Variants in CRABP2 observed in about 807,000 individuals in gnomAD.
The protein encoded by CRABP2 is cellular retinoic acid binding protein 2, also known as cellular retinoic acid-binding protein 2.
CRABP2 carries 20 observed loss-of-function variants against 17.9 expected under a neutral mutation model. The ratio of observed to expected loss-of-function variants is 1.12; its 90% CI spans 0.79 to 1.63. The LOEUF is 1.63. CRABP2 is among the 40% of genes most tolerant of loss of function. The pLI is 0.00. For missense variants in CRABP2, 151 were observed against 168.6 expected (o/e 0.90, Z 0.58); for synonymous variants, 76 against 66.4 (o/e 1.14, Z -0.70).
At chr1:156,701,161 G>T in intron 1 of CRABP2, 109 bp from the exon 2 acceptor site, 1 of 1,263,434 alleles carries the variant, frequency 7.9e-7, no homozygotes, top group Non-Finnish European at 1.1e-6. Flanking sequence ...CTTGGGGTGG[G>T]TGTGTTGGGG....
rs779988944 is a variant in CRABP2, at chr1:156,700,032, T to A, written c.411A>T (p.Arg137=). The change falls in exon 4 of 4, where the codon CGA becomes CGT. Residue 137 remains arginine (R), a synonymous_variant. Transcript: ENST00000368222. ...CGGTTCTACCTGTGGCCACTCACTCTCGGACGTAGACCCTGGTGCACACAA... is the reference window on the plus strand; with the variant it reads ...CGGTTCTACCTGTGGCCACTCACTCACGGACGTAGACCCTGGTGCACACAA... ...DDVVCTRVYV[R]E is the part of the protein sequence containing the mutation. The A allele has an allele frequency of 6.2e-7, 1 of 1,613,382 alleles. No homozygotes were observed. Among genetic ancestry groups the A allele is most frequent in the South Asian group, 1.1e-5 (1 of 90,898 alleles).
rs921978708 is a variant in CRABP2 at position 156,699,713 on chromosome 1, G to C, written c.*313C>G. The stretch of plus-strand genomic sequence containing the variant: ...TAGAGGGCCAGTCTTTCCTGCTCAG[G>C]CCCTCAAGTCCCCTTTAGAGAGACC... On this transcript the variant is annotated 3_prime_UTR_variant, in exon 4 of 4. Coordinates refer to ENST00000368222, the MANE Select transcript of CRABP2 (RefSeq NM_001878.4). 2.8e-6 allele frequency: 1 copy of C among 355,096 alleles called. No homozygotes were observed. The highest frequency in any genetic ancestry group is 5.2e-6 in the Non-Finnish European group (1 of 193,956). The allele number at this position is 355,096 out of a possible 1,614,324, so 22.0% of individuals were successfully genotyped here.
At chr1:156,703,504 G>A (rs1274842637) in intron 1 of CRABP2, among the ~76,000 whole-genome samples, 2 of 152,186 alleles carry the variant, frequency 1.3e-5, no homozygotes, top group African/African-American at 4.8e-5. Context: ...TGCACTAGGC[G>A]GGGGTGAAAG....
At chr1:156,703,910 G>C (rs190344566) in intron 1 of CRABP2, among the ~76,000 whole-genome samples, 12 of 152,348 alleles carry the variant, frequency 7.9e-5, no homozygotes, top group Non-Finnish European at 1.6e-4. Context: ...GCTCAGGACT[G>C]TGTTTGTCTA....
chr1:156,703,083 CTCTGCATTAGGCACCGTACTCA>C (rs1648088637), intron 1 of CRABP2, among the ~76,000 whole-genome samples: 1 of 150,880 alleles, frequency 6.6e-6, no homozygotes, highest in Admixed American at 6.6e-5. Context: ...GCTCAAAGCT[CTCTGCATTAGGCACCGTACTCA>C]TCTGCCCTTC....
chr1:156,701,188 G>GC, intron 1 of CRABP2, 136 bp from the exon 2 acceptor site: 1 of 921,656 alleles, frequency 1.1e-6, no homozygotes, highest in Non-Finnish European at 1.6e-6. Flanking sequence ...TCTGCCTGGT[G>GC]CCTGGGTGTC....
Position 156,705,274 on chromosome 1 carries a change from G to T in CRABP2, c.70+103C>A. The T allele has an allele frequency of 7.8e-7, 1 of 1,283,160 alleles. No homozygotes were observed. The highest frequency in any genetic ancestry group is 1.1e-6 in the Non-Finnish European group (1 of 884,324). The allele number at this position is 1,283,160 out of a possible 1,614,324, so 79.5% of individuals were successfully genotyped here. On this transcript the variant is annotated intron_variant, in intron 1 of 3. Transcript: ENST00000368222. This position sits in a 1 kb window ranked among gnomAD's most constrained non-coding sequence, Gnocchi z 5.2. ...CGTTTTTCGGGGATGCAGGCACCCA[G>T]TGTCTCACGCCCTGATTGTGGTCCC...
Position 156,705,075 on chromosome 1 carries a change from C to G in CRABP2, c.70+302G>C, listed in dbSNP as rs949833377. ...CAGAGAGCCAGGTGCCTCGGCCCGC[C>G]GAGTCCGGCCGCTGAGGCCAGCCTC... is the stretch of plus-strand genomic sequence containing the variant. On this transcript the variant is annotated intron_variant, in intron 1 of 3. Transcript: ENST00000368222. This position sits in a 1 kb window ranked among gnomAD's most constrained non-coding sequence, Gnocchi z 5.2. 6.6e-6 allele frequency among the ~76,000 whole-genome samples: 1 copy of G among 152,228 alleles called. No individual in the cohort carries two copies. Among genetic ancestry groups the G allele is most frequent in the Non-Finnish European group, 1.5e-5 (1 of 68,042 alleles).
At chr1:156,702,179 G>A (rs927906529) in intron 1 of CRABP2, among the ~76,000 whole-genome samples, 6 of 151,780 alleles carry the variant, frequency 4.0e-5, no homozygotes, top group African/African-American at 4.8e-5. Flanking sequence ...AAGTCTGGGC[G>A]CAGTGGCTCA....
intron 1 of CRABP2, among the ~76,000 whole-genome samples, chr1:156,703,215 C>CTT (rs1648092210): frequency 6.6e-6 from 1 of 152,078 alleles, no homozygotes; most frequent in East Asian, 1.9e-4. Flanking sequence ...TGTGATGTAT[C>CTT]CCCTTCTTCA....
upstream of CRABP2, chr1:156,705,770 C>T (rs116587898): frequency 2.0e-5 from 6 of 303,456 alleles, 1 homozygote; most frequent in Non-Finnish European, 3.7e-5. The surrounding 1 kb of genome is among the most constrained non-coding windows in gnomAD (Gnocchi z 5.2). Flanking sequence ...CCTTCTCCTG[C>T]GCTAGTAAGT....
Position 156,700,659 on chromosome 1 carries a change from C to T in CRABP2, c.250-1G>A. 6.2e-7 allele frequency: 1 copy of T among 1,613,842 alleles called. No homozygotes were observed. The highest frequency in any genetic ancestry group is 8.5e-7 in the Non-Finnish European group (1 of 1,179,722). On this transcript the variant is annotated splice_acceptor_variant, in intron 2 of 3. Transcript: ENST00000368222. LOFTEE classifies it high-confidence loss of function. The stretch of plus-strand genomic sequence containing the variant: ...TCTCACTCTCCCATTTCACCAGGCT[C>T]TGCAAGAGACAGGTGGCCAAGTGAG...
intron 1 of CRABP2, among the ~76,000 whole-genome samples, chr1:156,703,431 A>G (rs1165383144): frequency 6.6e-6 from 1 of 152,084 alleles, no homozygotes; most frequent in Non-Finnish European, 1.5e-5. Flanking sequence ...CTCCAGGTCT[A>G]AGCTCCACAC....
At chr1:156,700,449 GT>G in intron 3 of CRABP2, 92 bp downstream of exon 3, 1 of 996,508 alleles carries the variant, frequency 1.0e-6, no homozygotes, top group Non-Finnish European at 1.6e-6. Flanking sequence ...TCCAGCCATG[GT>G]TGTTCTTGAG....
chr1:156,705,635 GC>G (rs1333732929), upstream of CRABP2: 4 of 557,136 alleles, frequency 7.2e-6, no homozygotes, highest in African/African-American at 1.9e-5. This position sits in a 1 kb window ranked among gnomAD's most constrained non-coding sequence, Gnocchi z 5.2. Flanking sequence ...AACCGCCCCT[GC>G]CCAGGATTGA....
intron 1 of CRABP2, among the ~76,000 whole-genome samples, chr1:156,704,234 G>T (rs544967610): frequency 1.3e-5 from 2 of 152,194 alleles, no homozygotes; most frequent in Non-Finnish European, 2.9e-5. Flanking sequence ...TTAGATCGCA[G>T]GAAGAACTAA....
chr1:156,701,696 G>A (rs1028528783), intron 1 of CRABP2, among the ~76,000 whole-genome samples: 3 of 152,134 alleles, frequency 2.0e-5, no homozygotes, highest in Admixed American at 6.5e-5. Flanking sequence ...TCAGCAGCCT[G>A]GGAAGACAGA....
At chr1:156,702,772 C>CAAA (rs56302238) in intron 1 of CRABP2, among the ~76,000 whole-genome samples, 2 of 79,824 alleles carry the variant, frequency 2.5e-5, no homozygotes, top group African/African-American at 9.0e-5. Flanking sequence ...AACTCTGTCT[C>CAAA]AAAAAAAAAA....
intron 3 of CRABP2, 49 bp from the exon 4 acceptor site, chr1:156,700,125 T>C (rs12039622): frequency 0.017 from 27,003 of 1,594,428 alleles, 1,469 homozygotes; most frequent in East Asian, 0.16. Context: ...TGGGGTCCTG[T>C]GGCTTTGGAG....
Sources: gnomAD v4.1 joint callset for allele counts (sites outside exome capture counted in the v4.1 genomes callset) on GRCh38, gnomAD v4.1.1 for gene constraint, Gnocchi (gnomAD v3.1) non-coding constraint, MANE v1.5 for transcripts, NCBI Gene and HGNC (gene_info 2026-07-23, HGNC 2026-07-21) for gene names.